EMCN: variants seen among roughly 807,000 people sequenced by gnomAD.
The protein encoded by EMCN is MUC-14.
EMCN carries 37 observed loss-of-function variants against 38.4 expected under a neutral mutation model. That is an observed-to-expected ratio of 0.96 (90% confidence interval 0.74 to 1.27). EMCN has a LOEUF of 1.27. Among genes scored for constraint, EMCN ranks in the 50% most tolerant of loss-of-function variants. The pLI is 0.00. For synonymous variants in EMCN, 95 were observed against 100.8 expected, an observed-to-expected ratio of 0.94 and a Z score of 0.35; for missense variants, 318 against 302.8, an observed-to-expected ratio of 1.05 and a Z score of -0.37.
At chr4:100,447,376 T>A (rs939112327) in intron 5 of EMCN, among the ~76,000 whole-genome samples, 157 bp downstream of exon 5, 1 of 152,156 alleles carries the variant, frequency 6.6e-6, no homozygotes, top group Non-Finnish European at 1.5e-5. Flanking sequence ...GGTCTGCATT[T>A]TTTTAAACTC....
intron 8 of EMCN, among the ~76,000 whole-genome samples, chr4:100,418,896 G>A (rs929080935): frequency 1.3e-5 from 2 of 152,026 alleles, no homozygotes; most frequent in Admixed American, 6.6e-5. Context: ...TGTGTTAAGC[G>A]TATATACCCA....
intron 5 of EMCN, among the ~76,000 whole-genome samples, chr4:100,427,831 T>C (rs1349924047): frequency 1.3e-5 from 2 of 152,144 alleles, no homozygotes; most frequent in Non-Finnish European, 2.9e-5. Context: ...CATTTTAACT[T>C]CCACTCTATC....
At chr4:100,452,209 T>C (rs1727862198) in intron 4 of EMCN, among the ~76,000 whole-genome samples, 1 of 152,066 alleles carries the variant, frequency 6.6e-6, no homozygotes, top group Non-Finnish European at 1.5e-5. Context: ...AAATTATCTT[T>C]GCTTTTTGTA....
At position 100,465,477 on chromosome 4, in the gene EMCN, T is replaced by A; in HGVS notation, c.322A>T (p.Thr108Ser). Residue 108 changes from threonine (T) to serine (S), a missense_variant, in exon 4 of 12, where the codon ACA becomes TCA. Transcript: ENST00000296420. ...NDSIISNVTV[T>S]SVTLPNAVST... ...ACAGCATTTGGAAGTGTAACACTTG[T>A]TACTGTTACGTTTGAAATGATGGAG... The A allele has an allele frequency of 1.9e-6, 3 of 1,609,516 alleles. No individual in the cohort carries two copies. The East Asian group carries it at 6.7e-5, about 36-fold the overall frequency.
chr4:100,452,314 T>A (rs114037332), intron 4 of EMCN, among the ~76,000 whole-genome samples: 1 of 152,204 alleles, frequency 6.6e-6, no homozygotes, highest in Non-Finnish European at 1.5e-5. Context: ...CAATTCCTAC[T>A]AAATAGCATA....
intron 5 of EMCN, among the ~76,000 whole-genome samples, chr4:100,435,186 A>G (rs895606036): frequency 6.6e-6 from 1 of 152,238 alleles, no homozygotes; most frequent in African/African-American, 2.4e-5. Flanking sequence ...GCCTGGGGAT[A>G]TAAAATCAAT....
rs1048600005 is a variant in EMCN, at chr4:100,517,840, G to A, written c.64+11C>T. On this transcript the variant is annotated intron_variant, in intron 1 of 11. Coordinates refer to ENST00000296420, the MANE Select transcript of EMCN (RefSeq NM_016242.4). ...AATCCGTACCACCAGAGGAATAAGA[G>A]ACAAAAATACCTGTGCTGTTACTGC... 9 of 1,611,998 alleles carry A rather than the reference G, an allele frequency of 5.6e-6. No homozygotes were observed. The African/African-American group carries it at 1.1e-4, about 19-fold the overall frequency.
chr4:100,507,484 C>A (rs1457030964), intron 1 of EMCN, among the ~76,000 whole-genome samples: 1 of 152,088 alleles, frequency 6.6e-6, no homozygotes, highest in African/African-American at 2.4e-5. Flanking sequence ...GGGTATGGGA[C>A]AGTGAAAAGA....
At chr4:100,510,387 C>T (rs981126434) in intron 1 of EMCN, among the ~76,000 whole-genome samples, 1 of 152,152 alleles carries the variant, frequency 6.6e-6, no homozygotes, top group Non-Finnish European at 1.5e-5. Context: ...AGTCATCTTA[C>T]AACAGTTCTA....
At chr4:100,501,354 T>C (rs1311191832) in intron 1 of EMCN, among the ~76,000 whole-genome samples, 1 of 152,162 alleles carries the variant, frequency 6.6e-6, no homozygotes, top group East Asian at 1.9e-4. Flanking sequence ...ATCAAAGACC[T>C]ATATATCTGT....
At chr4:100,423,817 C>A (rs916473506) in intron 5 of EMCN, among the ~76,000 whole-genome samples, 2 of 151,774 alleles carry the variant, frequency 1.3e-5, no homozygotes, top group Non-Finnish European at 2.9e-5. Context: ...CTGCACAGGA[C>A]GTCAGATTTT....
At chr4:100,481,246 T>C (rs895008653) in intron 1 of EMCN, among the ~76,000 whole-genome samples, 1 of 152,124 alleles carries the variant, frequency 6.6e-6, no homozygotes, top group African/African-American at 2.4e-5. Flanking sequence ...CTTCTCAAAT[T>C]TAAATTACAT....
chr4:100,451,385 A>G (rs1414931982), intron 4 of EMCN, among the ~76,000 whole-genome samples: 1 of 151,862 alleles, frequency 6.6e-6, no homozygotes, highest in Non-Finnish European at 1.5e-5. Context: ...ATTTAGAGGT[A>G]GGAGGAGGAA....
intron 1 of EMCN, among the ~76,000 whole-genome samples, chr4:100,495,364 T>C (rs1332633912): frequency 1.3e-5 from 2 of 152,122 alleles, no homozygotes; most frequent in Non-Finnish European, 2.9e-5. Flanking sequence ...TTGTTTGCTT[T>C]ACAAATATGG....
chr4:100,514,405 T>G (rs1729703649), intron 1 of EMCN, among the ~76,000 whole-genome samples: 1 of 152,100 alleles, frequency 6.6e-6, no homozygotes, highest in South Asian at 2.1e-4. Flanking sequence ...TAGACCCTTC[T>G]TTTCATTTTA....
At chr4:100,491,643 T>C (rs1729082907) in intron 1 of EMCN, among the ~76,000 whole-genome samples, 1 of 152,140 alleles carries the variant, frequency 6.6e-6, no homozygotes, top group South Asian at 2.1e-4. Context: ...AATAAAATAG[T>C]GGTACCACTT....
At chr4:100,425,520 T>C (rs1727022402) in intron 5 of EMCN, among the ~76,000 whole-genome samples, 2 of 152,128 alleles carry the variant, frequency 1.3e-5, no homozygotes, top group Non-Finnish European at 2.9e-5. Context: ...CTGTGGAATC[T>C]TGGGCAAGTT....
chr4:100,516,289 T>C (rs1399098160), intron 1 of EMCN, among the ~76,000 whole-genome samples: 1 of 152,102 alleles, frequency 6.6e-6, no homozygotes, highest in Non-Finnish European at 1.5e-5. Flanking sequence ...GCAGGCTACT[T>C]CTATTGATGC....
intron 3 of EMCN, among the ~76,000 whole-genome samples, chr4:100,472,159 A>G (rs930702027): frequency 2.0e-5 from 3 of 152,006 alleles, no homozygotes; most frequent in Admixed American, 6.6e-5. Context: ...AAGTAAAACT[A>G]TCTATATTTG....
Sources: allele counts gnomAD v4.1 joint callset (sites outside exome capture counted in the v4.1 genomes callset), GRCh38; gene constraint gnomAD v4.1.1; transcripts MANE v1.5; gene names NCBI Gene and HGNC (gene_info 2026-07-23, HGNC 2026-07-21).